Variants in NCOR1 observed in about 807,000 individuals in gnomAD.
NCOR1 encodes the protein nuclear receptor corepressor 1.
A neutral mutation model predicts 288.1 loss-of-function variants in NCOR1; 63 were observed. That is an observed-to-expected ratio of 0.22 (90% CI 0.18 to 0.27). The LOEUF is 0.27. Ranked by LOEUF, NCOR1 falls within the 10% of genes least tolerant of loss-of-function variation. NCOR1 has a pLI of 1.00. For synonymous variants in NCOR1, 1,007 were observed against 1,065.9 expected (o/e 0.94, Z 1.08); for missense variants, 2,397 against 3,019.2 (o/e 0.79, Z 4.83).
At chr17:16,071,108 C>T (rs141442379) in intron 30 of NCOR1, among the ~76,000 whole-genome samples, 2 of 152,038 alleles carry the variant, frequency 1.3e-5, no homozygotes, top group African/African-American at 4.8e-5. Flanking sequence ...TGGCAAAGCC[C>T]TGTCTCTATA....
In NCOR1 at chr17:16,117,527, A is replaced by AC. The variant is rs1322303914; in HGVS notation, c.2055+360_2055+361insG. Reference sequence around the variant, plus strand: ...CTCTGGAGCTCAGAAAAAAAAAAAAAAAAAAAACATCAAGGCTAGATGCAG... The same window carrying AC: ...CTCTGGAGCTCAGAAAAAAAAAAAAACAAAAAAACATCAAGGCTAGATGCAG... On this transcript the variant is annotated intron_variant, in intron 18 of 45. Coordinates refer to ENST00000268712, the MANE Select transcript of NCOR1 (RefSeq NM_006311.4). 6.9e-3 allele frequency among the ~76,000 whole-genome samples: 1,047 copies of AC among 151,742 alleles called. 14 individuals are homozygous for AC. The highest frequency in any genetic ancestry group is 0.024 in the African/African-American group (1,007 of 41,258).
intron 14 of NCOR1, among the ~76,000 whole-genome samples, chr17:16,135,685 C>T (rs1367057220): frequency 1.3e-5 from 2 of 152,118 alleles, no homozygotes; most frequent in Non-Finnish European, 2.9e-5. Context: ...ATGAAACACT[C>T]GCTATACTTT....
chr17:16,083,677 T>G (rs1303002646), intron 23 of NCOR1, among the ~76,000 whole-genome samples: 1 of 151,982 alleles, frequency 6.6e-6, no homozygotes, highest in Non-Finnish European at 1.5e-5. Context: ...TAGTTCCCTA[T>G]GCTCGCCTTC....
In NCOR1 at chr17:16,127,471, GTA is replaced by G. The variant is rs1353006133; in HGVS notation, c.1510-1267_1510-1266del. 7.6e-5 allele frequency among the ~76,000 whole-genome samples: 11 copies of G among 144,798 alleles called. 2 individuals carry two copies. Among genetic ancestry groups the G allele is most frequent in the African/African-American group, 2.6e-4 (10 of 39,144 alleles). The allele number at this position is 144,798 out of a possible 152,430, so 95.0% of individuals were successfully genotyped here. A position where few individuals can be genotyped will look rare whatever the true frequency, so the allele number is the denominator to read the frequency against. ...TGTATATGTATATATACGTGTATGT[GTA>G]TATATACACGTGTGTATATGTGCAT... is the stretch of plus-strand genomic sequence containing the variant. On this transcript the variant is annotated intron_variant, in intron 14 of 45. Transcript: ENST00000268712.
chr17:16,119,943 A>C (rs1292727674), intron 16 of NCOR1, among the ~76,000 whole-genome samples: 1 of 152,160 alleles, frequency 6.6e-6, no homozygotes, highest in African/African-American at 2.4e-5. Flanking sequence ...CAGTGGGTAA[A>C]GATGGATCAT....
chr17:16,185,564 T>C (rs2153522386), intron 3 of NCOR1, among the ~76,000 whole-genome samples: 1 of 150,558 alleles, frequency 6.6e-6, no homozygotes, highest in East Asian at 2.0e-4. Context: ...ATGCCTGTAA[T>C]CCCAGCTATT....
chr17:16,111,850 T>C (rs2070286530), intron 18 of NCOR1, among the ~76,000 whole-genome samples: 1 of 151,504 alleles, frequency 6.6e-6, no homozygotes, highest in Non-Finnish European at 1.5e-5. Context: ...ATGACTAATA[T>C]AACATACATT....
At chr17:16,034,634 A>G (rs1567617150) in intron 45 of NCOR1, 131 bp downstream of exon 45, 1 of 826,192 alleles carries the variant, frequency 1.2e-6, no homozygotes, top group East Asian at 2.5e-5. Flanking sequence ...GGAAAGTGGA[A>G]CATATTAATG....
At chr17:16,067,205 C>G (rs2061229803) in intron 32 of NCOR1, among the ~76,000 whole-genome samples, 1 of 152,264 alleles carries the variant, frequency 6.6e-6, no homozygotes, top group African/African-American at 2.4e-5. Context: ...CTATCAGATT[C>G]TGTCTACCAA....
intron 3 of NCOR1, among the ~76,000 whole-genome samples, chr17:16,176,234 G>GA (rs1486112575): frequency 1.3e-5 from 2 of 151,504 alleles, no homozygotes; most frequent in Non-Finnish European, 2.9e-5. Context: ...AAAGAAAAAA[G>GA]AAAAAAAAGA....
chr17:16,146,876 A>T (rs2078069002), intron 9 of NCOR1, among the ~76,000 whole-genome samples: 1 of 152,204 alleles, frequency 6.6e-6, no homozygotes, highest in African/African-American at 2.4e-5. Flanking sequence ...GTCCCAAAAA[A>T]ATGGAAAATT....
chr17:16,099,837 A>C (rs191442131), intron 20 of NCOR1, among the ~76,000 whole-genome samples: 1 of 152,196 alleles, frequency 6.6e-6, no homozygotes, highest in South Asian at 2.1e-4. Context: ...CAGAACACCT[A>C]TTTTATTTCA....
At chr17:16,194,351 T>TAAA in intron 2 of NCOR1, 111 bp downstream of exon 2, 3 of 516,280 alleles carry the variant, frequency 5.8e-6, no homozygotes, top group Non-Finnish European at 6.3e-6. Context: ...TCTTGCAACT[T>TAAA]AAAAAAAAAA....
At chr17:16,185,795 A>C (rs535692045) in intron 3 of NCOR1, among the ~76,000 whole-genome samples, 7 of 150,856 alleles carry the variant, frequency 4.6e-5, no homozygotes, top group Non-Finnish European at 8.8e-5. Flanking sequence ...GCGAAATCCT[A>C]TCTCTACAAA....
chr17:16,103,614 C>T (rs910796597), intron 19 of NCOR1, among the ~76,000 whole-genome samples: 1 of 152,238 alleles, frequency 6.6e-6, no homozygotes, highest in Non-Finnish European at 1.5e-5. Context: ...TGTTCAATGC[C>T]TCATGCATCT....
rs571237971 is a variant in NCOR1, at chr17:16,032,398, C to T, written c.7221G>A (p.Ala2407=). ...PPTPIACAPS[A]VNQAAPHQQN... ...GTTGGTGAGGAGCTGCTTGGTTCAC[C>T]GCAGAGGGAGCACATGCAATCGGTG... Residue 2407 remains alanine, a synonymous_variant, in exon 46 of 46, where the codon GCG becomes GCA. Coordinates refer to ENST00000268712, the MANE Select transcript of NCOR1 (RefSeq NM_006311.4). 15 of 1,614,098 alleles carry T rather than the reference C, an allele frequency of 9.3e-6. No homozygotes were observed. Among genetic ancestry groups the T allele is most frequent in the South Asian group, 6.6e-5 (6 of 91,066 alleles).
chr17:16,190,917 G>A (rs768936963), intron 2 of NCOR1, among the ~76,000 whole-genome samples: 1 of 152,200 alleles, frequency 6.6e-6, no homozygotes, highest in Non-Finnish European at 1.5e-5. Context: ...CTGCCTAAAG[G>A]CAATTTCCAA....
intron 45 of NCOR1, among the ~76,000 whole-genome samples, chr17:16,032,863 C>T (rs929863434): frequency 1.1e-4 from 17 of 152,138 alleles, no homozygotes; most frequent in African/African-American, 2.9e-4. Context: ...AGTTCTCAGA[C>T]GACAATGGAC....
At chr17:16,116,054 A>C (rs762172244) in intron 18 of NCOR1, among the ~76,000 whole-genome samples, 1 of 152,232 alleles carries the variant, frequency 6.6e-6, no homozygotes, top group Non-Finnish European at 1.5e-5. Flanking sequence ...GGAGCAAGTA[A>C]CATCTTGCAT....
Sources: gnomAD v4.1 joint callset for allele counts (sites outside exome capture counted in the v4.1 genomes callset) on GRCh38, gnomAD v4.1.1 for gene constraint, MANE v1.5 for transcripts, NCBI Gene and HGNC (gene_info 2026-07-23, HGNC 2026-07-21) for gene names.